SNX29: variants seen among roughly 807,000 people sequenced by gnomAD.
SNX29 encodes sorting nexin-29.
Under a neutral mutation model 102.1 loss-of-function variants are expected in SNX29, and 78 were observed. That is an observed-to-expected ratio of 0.76 (90% confidence interval 0.64 to 0.92). The LOEUF (loss-of-function observed/expected upper bound fraction) is 0.92, where lower values mean the gene tolerates loss of function less well. SNX29 is among the 40% of genes least tolerant of loss of function. The pLI is 0.00. For missense variants in SNX29, 1,280 were observed against 1,061.7 expected, an observed-to-expected ratio of 1.21 and a Z score of -2.86; for synonymous variants, 580 against 414.5, an observed-to-expected ratio of 1.40 and a Z score of -4.85.
chr16:12,113,551 A>C (rs2053577672), intron 11 of SNX29, among the ~76,000 whole-genome samples: 1 of 152,190 alleles, frequency 6.6e-6, no homozygotes, highest in Admixed American at 6.5e-5. Context: ...AGTCTGTTTG[A>C]GAATTGCCCG....
chr16:12,009,551 A>G (rs1215375628), intron 3 of SNX29, among the ~76,000 whole-genome samples: 1 of 152,106 alleles, frequency 6.6e-6, no homozygotes, highest in Non-Finnish European at 1.5e-5. Flanking sequence ...CACATGGAAC[A>G]TAAAACAGTA....
chr16:12,542,600 G>A (rs1004392673), intron 20 of SNX29, among the ~76,000 whole-genome samples: 1 of 152,306 alleles, frequency 6.6e-6, no homozygotes, highest in South Asian at 2.1e-4. Flanking sequence ...CCAAAGTGCT[G>A]GGATTACAGG....
chr16:12,545,206 G>T (rs760394827), intron 20 of SNX29, among the ~76,000 whole-genome samples: 1 of 152,170 alleles, frequency 6.6e-6, no homozygotes, highest in African/African-American at 2.4e-5. Flanking sequence ...AAAAGGAAGG[G>T]GTGGGGCAGG....
intron 20 of SNX29, among the ~76,000 whole-genome samples, chr16:12,547,525 G>C (rs991750623): frequency 2.6e-5 from 4 of 152,126 alleles, no homozygotes; most frequent in African/African-American, 7.2e-5. Flanking sequence ...GTGAGAGAAA[G>C]AGGAACTGGA....
At chr16:12,389,465 C>T (rs2083448503) in intron 16 of SNX29, among the ~76,000 whole-genome samples, 1 of 152,114 alleles carries the variant, frequency 6.6e-6, no homozygotes, top group African/African-American at 2.4e-5. Flanking sequence ...CATTCTCCTG[C>T]CTGCCACCAT....
intron 11 of SNX29, among the ~76,000 whole-genome samples, chr16:12,084,259 C>T (rs372398390): frequency 6.6e-6 from 1 of 151,946 alleles, no homozygotes; most frequent in African/African-American, 2.4e-5. Flanking sequence ...TATTCTCCTG[C>T]CTCAGCCTCA....
chr16:12,201,643 T>C (rs930025969), intron 14 of SNX29, among the ~76,000 whole-genome samples: 1 of 152,216 alleles, frequency 6.6e-6, no homozygotes, highest in African/African-American at 2.4e-5. Context: ...TCCAGGACAC[T>C]GCCGCTGGGA....
chr16:12,361,190 T>G (rs1161536297), intron 16 of SNX29, among the ~76,000 whole-genome samples: 2 of 152,138 alleles, frequency 1.3e-5, no homozygotes, highest in Middle Eastern at 3.2e-3. Flanking sequence ...GGGTAGGTCT[T>G]GAAGGTGGGC....
chr16:12,005,487 C>T (rs1376350656), intron 3 of SNX29, among the ~76,000 whole-genome samples: 2 of 152,134 alleles, frequency 1.3e-5, no homozygotes, highest in Non-Finnish European at 2.9e-5. Context: ...ATCACTGTTC[C>T]AGGGTCTGGG....
intron 17 of SNX29, among the ~76,000 whole-genome samples, chr16:12,402,428 G>A (rs2083982284): frequency 6.6e-6 from 1 of 152,236 alleles, no homozygotes; most frequent in African/African-American, 2.4e-5. Flanking sequence ...TCAGGAGAAA[G>A]CATTTAGCCC....
intron 13 of SNX29, among the ~76,000 whole-genome samples, chr16:12,162,935 G>A (rs957796689): frequency 8.5e-5 from 13 of 152,054 alleles, no homozygotes; most frequent in Non-Finnish European, 1.5e-4. Context: ...AAGCTAGAGT[G>A]CAGTGGTACG....
intron 20 of SNX29, among the ~76,000 whole-genome samples, chr16:12,547,302 G>C (rs1045953521): frequency 6.6e-6 from 1 of 152,184 alleles, no homozygotes; most frequent in African/African-American, 2.4e-5. Flanking sequence ...CAGCAAGGAA[G>C]CCAGGGTAGC....
At chr16:12,376,679 G>A (rs2082884439) in intron 16 of SNX29, among the ~76,000 whole-genome samples, 1 of 141,824 alleles carries the variant, frequency 7.1e-6, no homozygotes, top group East Asian at 2.1e-4. Context: ...AGAGGTTGCA[G>A]TGAGCCGAGA....
At chr16:12,408,898 T>C (rs2084281864) in intron 18 of SNX29, among the ~76,000 whole-genome samples, 1 of 152,210 alleles carries the variant, frequency 6.6e-6, no homozygotes, top group Admixed American at 6.5e-5. Context: ...CCCCCACTAC[T>C]TCTATTGTGG....
At chr16:12,248,544 C>T (rs2078328898) in intron 14 of SNX29, among the ~76,000 whole-genome samples, 1 of 152,034 alleles carries the variant, frequency 6.6e-6, no homozygotes, top group South Asian at 2.1e-4. Context: ...CGTGCACCAC[C>T]ATGCCTGGCT....
At chr16:11,982,352 A>G (rs184181072) in intron 1 of SNX29, among the ~76,000 whole-genome samples, 3 of 152,178 alleles carry the variant, frequency 2.0e-5, no homozygotes, top group Admixed American at 6.5e-5. Flanking sequence ...GTAGAGCCAG[A>G]AAGTCATTAT....
intron 15 of SNX29, among the ~76,000 whole-genome samples, chr16:12,322,687 G>A (rs1239781192): frequency 6.6e-6 from 1 of 152,038 alleles, no homozygotes; most frequent in African/African-American, 2.4e-5. Flanking sequence ...ATTAGGACGC[G>A]GTCGCTGGGG....
At chr16:12,319,076 G>C (rs181975125) in intron 15 of SNX29, among the ~76,000 whole-genome samples, 21 of 152,188 alleles carry the variant, frequency 1.4e-4, no homozygotes, top group African/African-American at 4.3e-4. Flanking sequence ...TTAATCCTTC[G>C]TTATCTTGTC....
chr16:12,399,137 G>A (rs772023656), intron 17 of SNX29, among the ~76,000 whole-genome samples: 2 of 152,116 alleles, frequency 1.3e-5, no homozygotes, highest in African/African-American at 2.4e-5. Context: ...TGCACCCTCC[G>A]CCTACCGGGT....
Sources: gnomAD v4.1 joint callset for allele counts (sites outside exome capture counted in the v4.1 genomes callset) on GRCh38, gnomAD v4.1.1 for gene constraint, MANE v1.5 for transcripts, NCBI Gene and HGNC (gene_info 2026-07-23, HGNC 2026-07-21) for gene names.